The following IGBP1C variants were observed in gnomAD, a reference collection of about 807,000 sequenced individuals.
The protein encoded by IGBP1C is IGBP1 family member C.
At chr17:58,663,368 G>C in the IGBP1C span, among the ~76,000 whole-genome samples, 1 of 143,668 alleles carries the variant, frequency 7.0e-6, no homozygotes, top group African/African-American at 2.6e-5. Flanking sequence ...GTTGCAGTAA[G>C]CCGAGATCAC....
At chr17:58,669,523 CAGG>C in the IGBP1C span, among the ~76,000 whole-genome samples, 1 of 151,776 alleles carries the variant, frequency 6.6e-6, no homozygotes, top group Non-Finnish European at 1.5e-5. Context: ...CATTTGAGGT[CAGG>C]AGTTCGAAAC....
the IGBP1C span, among the ~76,000 whole-genome samples, chr17:58,682,700 T>C: frequency 6.6e-6 from 1 of 152,192 alleles, no homozygotes; most frequent in Non-Finnish European, 1.5e-5. Context: ...CTTAAGTGGC[T>C]CATGAATCCT....
chr17:58,684,963 CA>C, the IGBP1C span, among the ~76,000 whole-genome samples: 1 of 151,538 alleles, frequency 6.6e-6, no homozygotes, highest in African/African-American at 2.4e-5. Context: ...CTCAGTCCCC[CA>C]AAAAATCATA....
At chr17:58,670,236 TACAG>T in the IGBP1C span, among the ~76,000 whole-genome samples, 2 of 152,204 alleles carry the variant, frequency 1.3e-5, no homozygotes, top group African/African-American at 4.8e-5. Context: ...TGGGCTAGAC[TACAG>T]ACTGTCGAAG....
chr17:58,664,193 TA>T, the IGBP1C span, among the ~76,000 whole-genome samples: 1 of 152,374 alleles, frequency 6.6e-6, no homozygotes, highest in African/African-American at 2.4e-5. Flanking sequence ...ACTACCTTCC[TA>T]ATTTTATTCC....
the IGBP1C span, among the ~76,000 whole-genome samples, chr17:58,686,204 G>A: frequency 6.6e-6 from 1 of 152,044 alleles, no homozygotes; most frequent in African/African-American, 2.4e-5. Context: ...AGGCACGGTG[G>A]CATGTGCCTG....
chr17:58,661,601 T>C, the IGBP1C span: 2 of 713,990 alleles, frequency 2.8e-6, no homozygotes, highest in Non-Finnish European at 5.1e-6. Flanking sequence ...AGCTGCCATC[T>C]TGGGAAGGCT....
At chr17:58,673,268 C>T in the IGBP1C span, among the ~76,000 whole-genome samples, 2 of 150,824 alleles carry the variant, frequency 1.3e-5, no homozygotes, top group African/African-American at 2.4e-5. Flanking sequence ...ATTATAAGGT[C>T]AGGAGTTCAA....
the IGBP1C span, chr17:58,679,557 C>T: frequency 6.6e-6 from 1 of 152,210 alleles, no homozygotes; most frequent in African/African-American, 2.4e-5. Context: ...TCCCCACTAC[C>T]ACAAATTATG....
At chr17:58,673,170 C>T in the IGBP1C span, among the ~76,000 whole-genome samples, 1 of 151,864 alleles carries the variant, frequency 6.6e-6, no homozygotes, top group Non-Finnish European at 1.5e-5. Flanking sequence ...TCATGCCAAG[C>T]CTTTACATAT....
At chr17:58,684,528 T>C in the IGBP1C span, among the ~76,000 whole-genome samples, 5 of 150,284 alleles carry the variant, frequency 3.3e-5, no homozygotes, top group African/African-American at 1.2e-4. Flanking sequence ...CCAGCTACTC[T>C]GGAGGCTGAG....
At chr17:58,680,377 C>T in the IGBP1C span, among the ~76,000 whole-genome samples, 1 of 152,156 alleles carries the variant, frequency 6.6e-6, no homozygotes, top group Non-Finnish European at 1.5e-5. Flanking sequence ...ATACAAAATG[C>T]TGTCTTTCAA....
chr17:58,670,286 C>G, the IGBP1C span, among the ~76,000 whole-genome samples: 1 of 152,128 alleles, frequency 6.6e-6, no homozygotes, highest in African/African-American at 2.4e-5. Context: ...GCTGGAGTCT[C>G]AGGCTAGCAA....
the IGBP1C span, among the ~76,000 whole-genome samples, chr17:58,665,076 G>A: frequency 6.6e-6 from 1 of 152,146 alleles, no homozygotes; most frequent in Non-Finnish European, 1.5e-5. Context: ...TTAAGTTAGA[G>A]CACTGCTTGT....
At chr17:58,660,670 C>G in the IGBP1C span, 2 of 783,238 alleles carry the variant, frequency 2.6e-6, no homozygotes, top group Non-Finnish European at 4.8e-6. Flanking sequence ...GTTCATCATC[C>G]TCTTCCTCCT....
At chr17:58,676,754 G>A in the IGBP1C span, among the ~76,000 whole-genome samples, 2 of 152,146 alleles carry the variant, frequency 1.3e-5, no homozygotes, top group Non-Finnish European at 2.9e-5. Context: ...GAGAGGCCGA[G>A]GTGGGAGGAT....
the IGBP1C span, among the ~76,000 whole-genome samples, chr17:58,684,929 T>C: frequency 1.3e-5 from 2 of 152,016 alleles, no homozygotes; most frequent in African/African-American, 4.8e-5. Flanking sequence ...CAAGCAGAAA[T>C]CATGCCTAGG....
the IGBP1C span, among the ~76,000 whole-genome samples, chr17:58,666,273 G>A: frequency 3.3e-5 from 5 of 150,650 alleles, no homozygotes; most frequent in South Asian, 2.1e-4. Flanking sequence ...GCTCGAACTC[G>A]GGAGGTGGAG....
the IGBP1C span, among the ~76,000 whole-genome samples, chr17:58,687,058 A>G: frequency 9.2e-4 from 140 of 151,774 alleles, 1 homozygote; most frequent in African/African-American, 3.3e-3. Context: ...GGCCCATGGG[A>G]TGTGACCAAC....
Sources: allele counts gnomAD v4.1 joint callset (sites outside exome capture counted in the v4.1 genomes callset), GRCh38; gene constraint gnomAD v4.1.1; transcripts MANE v1.5; gene names NCBI Gene and HGNC (gene_info 2026-07-23, HGNC 2026-07-21).